The following SPATA13 variants were observed in gnomAD, a reference collection of about 807,000 sequenced individuals.
SPATA13 encodes spermatogenesis-associated protein 13.
A neutral mutation model predicts 104.0 loss-of-function variants in SPATA13; 50 were observed. The observed-to-expected ratio is 0.48, with a 90% CI of 0.38 to 0.61. The LOEUF is 0.61. Among genes scored for constraint, SPATA13 ranks in the 20% least tolerant of loss-of-function variants. The pLI is 0.00. For synonymous variants in SPATA13, 606 were observed against 667.5 expected (o/e 0.91, Z 1.42); for missense variants, 1,524 against 1,690.6 (o/e 0.90, Z 1.73).
At chr13:24,199,097 C>T (rs1384571180) in intron 1 of SPATA13, among the ~76,000 whole-genome samples, 2 of 151,994 alleles carry the variant, frequency 1.3e-5, no homozygotes, top group Admixed American at 1.3e-4. Flanking sequence ...TCATGTTGCT[C>T]AGGCTGGTCT....
chr13:24,258,119 C>A (rs1320063587), intron 4 of SPATA13, among the ~76,000 whole-genome samples: 1 of 151,994 alleles, frequency 6.6e-6, no homozygotes, highest in Non-Finnish European at 1.5e-5. Flanking sequence ...CCTGTAATCC[C>A]AGCTACCTGG....
intron 2 of SPATA13, among the ~76,000 whole-genome samples, chr13:24,239,592 G>A (rs1382333047): frequency 6.7e-6 from 1 of 149,884 alleles, no homozygotes; most frequent in Non-Finnish European, 1.5e-5. Context: ...CTACTTGGGA[G>A]GCTGAGGTAG....
At chr13:24,003,797 C>T (rs897246398) in intron 2 of SPATA13, among the ~76,000 whole-genome samples, 1 of 152,154 alleles carries the variant, frequency 6.6e-6, no homozygotes, top group African/African-American at 2.4e-5. Flanking sequence ...TAAAATACTT[C>T]CTTTTTGTTC....
chr13:24,101,559 T>C lies in SPATA13; in HGVS notation c.-112+83858T>C, dbSNP rs1422672446. On this transcript the variant is annotated intron_variant, in intron 3 of 14. Transcript: ENST00000424834. The stretch of plus-strand genomic sequence containing the variant: ...GTACAGTATAGTAGTGTTAACCCTA[T>C]GCACATTCTCATGCAGAAGATCCCC... 1.3e-5 allele frequency among the ~76,000 whole-genome samples: 2 copies of C among 152,234 alleles called. 1 individual carries two copies. The highest frequency in any genetic ancestry group is 2.9e-5 in the Non-Finnish European group (2 of 68,040).
At chr13:24,282,095 G>T (rs1324118689) in intron 4 of SPATA13, among the ~76,000 whole-genome samples, 3 of 152,078 alleles carry the variant, frequency 2.0e-5, no homozygotes, top group African/African-American at 7.3e-5. Context: ...TGTGACAGCA[G>T]TGTGGCTGAA....
chr13:24,078,884 G>A (rs994217131), intron 3 of SPATA13, among the ~76,000 whole-genome samples: 2 of 152,102 alleles, frequency 1.3e-5, no homozygotes, highest in Admixed American at 1.3e-4. Flanking sequence ...TACCATGCTG[G>A]GTACTGTGGA....
At chr13:24,276,981 A>G (rs1041152989) in intron 4 of SPATA13, among the ~76,000 whole-genome samples, 1 of 152,248 alleles carries the variant, frequency 6.6e-6, no homozygotes, top group Non-Finnish European at 1.5e-5. Context: ...CCCATCAGCA[A>G]TTCGTAATTC....
chr13:24,206,608 C>T lies in SPATA13; in HGVS notation c.-111-16211C>T, dbSNP rs570563544. Among the ~76,000 whole-genome samples, 10 of 152,154 alleles carry T rather than the reference C, an allele frequency of 6.6e-5. No individual in the cohort carries two copies. In the South Asian group the frequency reaches 1.2e-3, roughly 19 times the overall value. On this transcript the variant is annotated intron_variant, in intron 1 of 12. Coordinates refer to ENST00000382108, the MANE Select transcript of SPATA13 (RefSeq NM_001166271.3). Reference sequence around the variant, plus strand: ...AATCATTCTATTATAAAGATACATGCGGGCCAGGCACGGTGGCTCATGCCT... The same window carrying T: ...AATCATTCTATTATAAAGATACATGTGGGCCAGGCACGGTGGCTCATGCCT...
At position 24,164,978 on chromosome 13, in the gene SPATA13, C is replaced by G. The variant is rs1461698558; in HGVS notation, c.-112+4046C>G. Among the ~76,000 whole-genome samples the G allele has an allele frequency of 3.3e-5, 5 of 152,112 alleles. No homozygotes were observed. In the South Asian group the frequency reaches 1.0e-3, roughly 32 times the overall value. ...GAACCCTGGGGAGCTGTGGCAACACCGCAGAATGCAAGGAGAATGGCGTCT... is the reference window on the plus strand; with the variant it reads ...GAACCCTGGGGAGCTGTGGCAACACGGCAGAATGCAAGGAGAATGGCGTCT... On this transcript the variant is annotated intron_variant, in intron 1 of 12. Coordinates refer to ENST00000382108, the MANE Select transcript of SPATA13 (RefSeq NM_001166271.3).
intron 3 of SPATA13, among the ~76,000 whole-genome samples, chr13:24,144,278 A>G (rs9511087): frequency 0.47 from 71,608 of 152,026 alleles, 17,280 homozygotes; most frequent in Admixed American, 0.56. Context: ...TGTACGTCAC[A>G]AACATCACAC....
chr13:24,281,089 C>T (rs1875476869), intron 4 of SPATA13, among the ~76,000 whole-genome samples: 2 of 152,142 alleles, frequency 1.3e-5, no homozygotes, highest in South Asian at 4.1e-4. Context: ...ACTCCCTTCT[C>T]CTGAGGCGCC....
chr13:24,193,872 G>A (rs1391696332), intron 1 of SPATA13, among the ~76,000 whole-genome samples: 4 of 152,212 alleles, frequency 2.6e-5, no homozygotes, highest in African/African-American at 9.6e-5. Flanking sequence ...TGGATGTGGA[G>A]AGTTGCTGGG....
intron 4 of SPATA13, among the ~76,000 whole-genome samples, chr13:24,267,448 C>G (rs1593477113): frequency 6.6e-6 from 1 of 152,170 alleles, no homozygotes; most frequent in South Asian, 2.1e-4. Context: ...GGATGTTAGT[C>G]TAGTGCCCTG....
chr13:24,081,698 G>A (rs1160722828), intron 3 of SPATA13, among the ~76,000 whole-genome samples: 7 of 137,098 alleles, frequency 5.1e-5, no homozygotes, highest in African/African-American at 1.5e-4. Context: ...TAAATAAAAA[G>A]TAAGCATAAA....
At chr13:24,107,830 G>A (rs916771592) in intron 3 of SPATA13, among the ~76,000 whole-genome samples, 1 of 152,210 alleles carries the variant, frequency 6.6e-6, no homozygotes. Context: ...CTATCGGCAC[G>A]TTAAATCTAG....
chr13:24,067,046 G>A (rs1412144389), intron 3 of SPATA13, among the ~76,000 whole-genome samples: 1 of 152,198 alleles, frequency 6.6e-6, no homozygotes, highest in Non-Finnish European at 1.5e-5. Flanking sequence ...AGCTAAACTG[G>A]AAGCAGATGA....
Position 24,014,879 on chromosome 13 carries a change from A to ATTTTTTTTT in SPATA13, c.-146-2767_-146-2759dup, listed in dbSNP as rs10566756. Among the ~76,000 whole-genome samples the ATTTTTTTTT allele has an allele frequency of 2.5e-4, 20 of 78,696 alleles. 3 individuals carry two copies. The highest frequency in any genetic ancestry group is 3.8e-4 in the Non-Finnish European group (16 of 42,030). 51.6% of individuals were successfully genotyped at this position (78,696 alleles called of 152,430 possible). A position where few individuals can be genotyped will look rare whatever the true frequency, so the allele number is the denominator to read the frequency against. Reference sequence around the variant, plus strand: ...AGGTTCCCTTTTTGGCACTTTCTGGATTTTTTTTTTTTTTTTTTTTTTTTT... The same window carrying ATTTTTTTTT: ...AGGTTCCCTTTTTGGCACTTTCTGGATTTTTTTTTTTTTTTTTTTTTTTTTTTTTTTTTT... On this transcript the variant is annotated intron_variant, in intron 2 of 14. Transcript: ENST00000424834.
chr13:24,260,392 AC>A (rs1874001384), intron 4 of SPATA13, among the ~76,000 whole-genome samples: 1 of 152,224 alleles, frequency 6.6e-6, no homozygotes, highest in Non-Finnish European at 1.5e-5. Flanking sequence ...GGCAGATCCC[AC>A]AGTGTGGCCT....
At chr13:24,298,654 C>T (rs537018395) in intron 11 of SPATA13, among the ~76,000 whole-genome samples, 16 of 152,270 alleles carry the variant, frequency 1.1e-4, no homozygotes, top group East Asian at 9.7e-4. Flanking sequence ...TGGTCCAGGA[C>T]GGAGGGGAGC....
Sources: allele counts gnomAD v4.1 joint callset (sites outside exome capture counted in the v4.1 genomes callset), GRCh38; gene constraint gnomAD v4.1.1; transcripts MANE v1.5; gene names NCBI Gene and HGNC (gene_info 2026-07-23, HGNC 2026-07-21).